The following CACNA2D3 variants were observed in gnomAD, a reference collection of about 807,000 sequenced individuals.
The protein encoded by CACNA2D3 is calcium voltage-gated channel auxiliary subunit alpha2delta 3.
CACNA2D3 carries 60 observed loss-of-function variants against 160.6 expected under a neutral mutation model. The ratio of observed to expected loss-of-function variants is 0.37; its 90% CI spans 0.30 to 0.46. The LOEUF (loss-of-function observed/expected upper bound fraction) is 0.46, where lower values mean the gene tolerates loss of function less well. CACNA2D3 is among the 20% of genes least tolerant of loss of function. CACNA2D3 has a pLI of 1.00. For missense variants in CACNA2D3, 1,205 were observed against 1,365.0 expected, an observed-to-expected ratio of 0.88 and a Z score of 1.85; for synonymous variants, 558 against 492.9, an observed-to-expected ratio of 1.13 and a Z score of -1.75.
intron 8 of CACNA2D3, among the ~76,000 whole-genome samples, chr3:54,580,356 G>A (rs1702653530): frequency 6.6e-6 from 1 of 151,974 alleles, no homozygotes; most frequent in Non-Finnish European, 1.5e-5. Context: ...GCAGCTTTAG[G>A]TCTAGCCCCT....
chr3:54,567,687 C>T (rs772796518), intron 6 of CACNA2D3, among the ~76,000 whole-genome samples: 5 of 152,294 alleles, frequency 3.3e-5, no homozygotes, highest in Non-Finnish European at 7.3e-5. Flanking sequence ...AGGCGCCTGC[C>T]ACCACACCTG....
At chr3:54,945,282 C>T (rs893075135) in intron 27 of CACNA2D3, among the ~76,000 whole-genome samples, 1 of 152,156 alleles carries the variant, frequency 6.6e-6, no homozygotes, top group Non-Finnish European at 1.5e-5. Flanking sequence ...GTATTGTGCC[C>T]TCCAGTCTGT....
chr3:54,197,364 G>T (rs1701100364), intron 2 of CACNA2D3: 1 of 152,210 alleles, frequency 6.6e-6, no homozygotes, highest in Non-Finnish European at 1.5e-5. Context: ...CAAGTCTGCT[G>T]CCATAATATT....
At chr3:55,017,701 G>T (rs1283183128) in intron 34 of CACNA2D3, among the ~76,000 whole-genome samples, 1 of 152,148 alleles carries the variant, frequency 6.6e-6, no homozygotes, top group Non-Finnish European at 1.5e-5. Context: ...TTGACATGTT[G>T]TATTATTGGA....
chr3:54,883,829 T>TCTCTCTCTCTCTCTCTCTCC lies in CACNA2D3; in HGVS notation c.1913-1449_1913-1448insTCTCTCTCTCTCTCTCCCTC, dbSNP rs753661413. The stretch of plus-strand genomic sequence containing the variant: ...TCTCTCTCTCTCTCTCTCTCCTCTC[T>TCTCTCTCTCTCTCTCTCTCC]CTCCCTTCAACCCTCCTTATCTCTT... On this transcript the variant is annotated intron_variant, in intron 21 of 37. Coordinates refer to ENST00000474759, the MANE Select transcript of CACNA2D3 (RefSeq NM_018398.3). 8.2e-4 allele frequency among the ~76,000 whole-genome samples: 119 copies of TCTCTCTCTCTCTCTCTCTCC among 145,730 alleles called. 1 individual carries two copies. Among genetic ancestry groups the TCTCTCTCTCTCTCTCTCTCC allele is most frequent in the African/African-American group, 2.4e-3 (93 of 38,636 alleles).
At chr3:54,174,260 G>A (rs1700624038) in intron 2 of CACNA2D3, among the ~76,000 whole-genome samples, 1 of 152,054 alleles carries the variant, frequency 6.6e-6, no homozygotes. Context: ...CCCAATTGTT[G>A]GGACTTCCAT....
In CACNA2D3 at chr3:54,569,779, C is replaced by T. The variant is rs544975041; in HGVS notation, c.677-16C>T. The T allele has an allele frequency of 1.3e-6, 2 of 1,575,290 alleles. No individual in the cohort carries two copies. Among genetic ancestry groups the T allele is most frequent in the Non-Finnish European group, 1.7e-6 (2 of 1,157,022 alleles). On this transcript the variant is annotated splice_polypyrimidine_tract_variant and intron_variant, in intron 6 of 37. Transcript: ENST00000474759. ...TTGAAGTTTCTGGGTTTCTCATAAC[C>T]CCATTTTTCTTCTAGGGATTAAATG...
intron 3 of CACNA2D3, among the ~76,000 whole-genome samples, chr3:54,327,829 T>C (rs1023759313): frequency 6.6e-6 from 1 of 152,198 alleles, no homozygotes; most frequent in African/African-American, 2.4e-5. Flanking sequence ...TATATAGATA[T>C]GTGTGGGTGT....
chr3:54,348,225 A>T (rs1020345348), intron 3 of CACNA2D3, among the ~76,000 whole-genome samples: 12 of 152,176 alleles, frequency 7.9e-5, no homozygotes, highest in Admixed American at 7.2e-4. Context: ...GATTCAACAT[A>T]GTCAATTATC....
chr3:54,431,470 G>A (rs1209137902), intron 4 of CACNA2D3, among the ~76,000 whole-genome samples: 1 of 152,162 alleles, frequency 6.6e-6, no homozygotes, highest in East Asian at 1.9e-4. Flanking sequence ...AGGAGGAAGA[G>A]GAAGGCTTGT....
At chr3:54,822,824 TTTC>T (rs556897738) in intron 14 of CACNA2D3, among the ~76,000 whole-genome samples, 3,691 of 83,584 alleles carry the variant, frequency 0.044, 163 homozygotes, top group African/African-American at 0.056. Context: ...TCTTTCTTTC[TTTC>T]TTTCTTTTCT....
At chr3:54,420,690 A>G (rs1699824061) in intron 4 of CACNA2D3, among the ~76,000 whole-genome samples, 1 of 152,222 alleles carries the variant, frequency 6.6e-6, no homozygotes, top group Non-Finnish European at 1.5e-5. Flanking sequence ...GAGGAGATGT[A>G]CTATTATTGC....
In CACNA2D3 at chr3:54,559,499, G is replaced by A. The variant is rs574989719; in HGVS notation, c.545-3301G>A. ...GTAGAGATGGGCTTTCACCATGTTGGCCAGGCTGTCCTCGAACTCCTGCCC... is the reference window on the plus strand; with the variant it reads ...GTAGAGATGGGCTTTCACCATGTTGACCAGGCTGTCCTCGAACTCCTGCCC... On this transcript the variant is annotated intron_variant, in intron 5 of 37. Coordinates refer to ENST00000474759, the MANE Select transcript of CACNA2D3 (RefSeq NM_018398.3). Among the ~76,000 whole-genome samples, 10 of 152,106 alleles carry A rather than the reference G, an allele frequency of 6.6e-5. No individual in the cohort carries two copies. In the East Asian group the frequency reaches 1.9e-3, roughly 30 times the overall value.
At chr3:54,752,416 C>T (rs1342725734) in intron 11 of CACNA2D3, among the ~76,000 whole-genome samples, 183 bp from the exon 12 acceptor site, 4 of 152,164 alleles carry the variant, frequency 2.6e-5, no homozygotes, top group Non-Finnish European at 5.9e-5. Flanking sequence ...TTTAAAAGAT[C>T]AAAGGCCCCA....
intron 35 of CACNA2D3, among the ~76,000 whole-genome samples, chr3:55,021,338 G>A (rs1159644610): frequency 4.6e-5 from 7 of 151,758 alleles, no homozygotes; most frequent in Non-Finnish European, 7.4e-5. Flanking sequence ...CTGTATTTGT[G>A]ATTTTGCCCC....
rs1461425672 is a variant in CACNA2D3, at chr3:54,403,395, A to ACG, written c.381+16622_381+16623insGC. Among the ~76,000 whole-genome samples, 764 of 140,134 alleles carry ACG rather than the reference A, an allele frequency of 5.5e-3. 7 individuals carry two copies. The highest frequency in any genetic ancestry group is 0.018 in the African/African-American group (710 of 38,762). 91.9% of individuals were successfully genotyped at this position (140,134 alleles called of 152,430 possible). A position where few individuals can be genotyped will look rare whatever the true frequency, so the allele number is the denominator to read the frequency against. ...CACACACACACACACACACACACAC[A>ACG]CACGCACACACAATAAAAATATCTT... On this transcript the variant is annotated intron_variant, in intron 4 of 37. Coordinates refer to ENST00000474759, the MANE Select transcript of CACNA2D3 (RefSeq NM_018398.3).
chr3:54,217,006 C>G (rs575895010), intron 2 of CACNA2D3, among the ~76,000 whole-genome samples: 1 of 152,098 alleles, frequency 6.6e-6, no homozygotes, highest in Non-Finnish European at 1.5e-5. Context: ...ACTGAGGCAG[C>G]GAGTGCTGTT....
chr3:54,152,018 G>T (rs760964646), intron 2 of CACNA2D3, among the ~76,000 whole-genome samples: 1 of 152,160 alleles, frequency 6.6e-6, no homozygotes, highest in Non-Finnish European at 1.5e-5. Context: ...TCCTTAAAGG[G>T]GTTCTGATTA....
intron 13 of CACNA2D3, among the ~76,000 whole-genome samples, chr3:54,797,306 A>G (rs1011425290): frequency 6.6e-6 from 1 of 152,212 alleles, no homozygotes; most frequent in Non-Finnish European, 1.5e-5. Context: ...ATGTTCTAAC[A>G]GTAACCATGC....
Sources: gnomAD v4.1 joint callset for allele counts (sites outside exome capture counted in the v4.1 genomes callset) on GRCh38, gnomAD v4.1.1 for gene constraint, MANE v1.5 for transcripts, NCBI Gene and HGNC (gene_info 2026-07-23, HGNC 2026-07-21) for gene names.